TRAPPC9: variants seen among roughly 807,000 people sequenced by gnomAD.
The protein encoded by TRAPPC9 is trafficking protein particle complex subunit 9.
Under a neutral mutation model 124.0 loss-of-function variants are expected in TRAPPC9, and 83 were observed. The observed-to-expected ratio is 0.67, with a 90% CI of 0.56 to 0.80. The LOEUF (loss-of-function observed/expected upper bound fraction) is 0.80. TRAPPC9 is among the 30% of genes least tolerant of loss of function. TRAPPC9 has a pLI of 0.00. For missense variants in TRAPPC9, 1,302 were observed against 1,508.3 expected (o/e 0.86, Z 2.27); for synonymous variants, 638 against 617.5 (o/e 1.03, Z -0.49).
At chr8:139,822,601 G>C (rs73726666) in intron 21 of TRAPPC9, among the ~76,000 whole-genome samples, 2,708 of 151,816 alleles carry the variant, frequency 0.018, 82 homozygotes, top group African/African-American at 0.06. Flanking sequence ...AGTCTGACCT[G>C]AGAGCCAAGA....
chr8:139,828,883 G>C (rs1352022877), intron 21 of TRAPPC9, among the ~76,000 whole-genome samples: 1 of 152,170 alleles, frequency 6.6e-6, no homozygotes, highest in Non-Finnish European at 1.5e-5. Flanking sequence ...ATCCGAGGGA[G>C]GGCTCACCCA....
chr8:139,911,169 A>G (rs4736116), intron 19 of TRAPPC9: 99,119 of 151,780 alleles, frequency 0.65, 34,427 homozygotes, highest in African/African-American at 0.91. Flanking sequence ...TACTGTTCTC[A>G]GGGTAGTGAA....
Position 140,251,191 on chromosome 8 carries a change from C to T in TRAPPC9, c.2431+1586G>A, listed in dbSNP as rs904112824. ...TCCCTCACTGCTAGCCTGGAGTCCA[C>T]GTGCCAAGACATAGCCCTGGGGTAA... is the stretch of plus-strand genomic sequence containing the variant. On this transcript the variant is annotated intron_variant, in intron 16 of 22. Coordinates refer to ENST00000438773, the MANE Select transcript of TRAPPC9 (RefSeq NM_001160372.4). 1.3e-4 allele frequency among the ~76,000 whole-genome samples: 20 copies of T among 152,218 alleles called. 1 individual carries two copies. Among genetic ancestry groups the T allele is most frequent in the Admixed American group, 1.1e-3 (17 of 15,288 alleles).
intron 17 of TRAPPC9, among the ~76,000 whole-genome samples, chr8:140,135,308 C>T (rs1360274403): frequency 6.6e-6 from 1 of 152,188 alleles, no homozygotes; most frequent in East Asian, 1.9e-4. Context: ...ACTCCACTCC[C>T]AGATGTATAC....
intron 17 of TRAPPC9, among the ~76,000 whole-genome samples, chr8:140,121,286 C>T (rs2060981529): frequency 6.6e-6 from 1 of 152,230 alleles, no homozygotes; most frequent in Non-Finnish European, 1.5e-5. Context: ...GTGATCAGAA[C>T]ATCCATGGGC....
intron 4 of TRAPPC9, among the ~76,000 whole-genome samples, chr8:140,431,727 C>A (rs1262500986): frequency 6.6e-6 from 1 of 152,130 alleles, no homozygotes; most frequent in Non-Finnish European, 1.5e-5. Flanking sequence ...AGGTGGGGGG[C>A]ACCTGAGAAA....
intron 21 of TRAPPC9, among the ~76,000 whole-genome samples, chr8:139,766,646 T>C (rs1820602898): frequency 6.6e-6 from 1 of 152,170 alleles, no homozygotes; most frequent in African/African-American, 2.4e-5. Context: ...CTAACCGGCA[T>C]CACGTGGGGA....
chr8:139,753,247 T>C (rs1303467184), intron 21 of TRAPPC9, among the ~76,000 whole-genome samples: 39 of 100,582 alleles, frequency 3.9e-4, no homozygotes, highest in South Asian at 1.4e-3. Flanking sequence ...ATCCATCCAT[T>C]CACCCATCTA....
At chr8:139,979,708 C>CTG (rs1836754042) in intron 19 of TRAPPC9, among the ~76,000 whole-genome samples, 1 of 152,102 alleles carries the variant, frequency 6.6e-6, no homozygotes, top group African/African-American at 2.4e-5. Flanking sequence ...CCCACAGTGT[C>CTG]GAGGAGGACA....
chr8:139,835,468 C>T (rs2130860439), intron 21 of TRAPPC9, among the ~76,000 whole-genome samples: 1 of 152,358 alleles, frequency 6.6e-6, no homozygotes, highest in Non-Finnish European at 1.5e-5. Context: ...GCACGTTCGC[C>T]CGTGCTGTGC....
At chr8:139,918,979 G>C (rs971751876) in intron 19 of TRAPPC9, among the ~76,000 whole-genome samples, 7 of 152,200 alleles carry the variant, frequency 4.6e-5, no homozygotes, top group African/African-American at 1.7e-4. Flanking sequence ...TCCAGCAAAA[G>C]CAGGGAGGAG....
At chr8:140,395,656 T>C (rs1258785155) in intron 7 of TRAPPC9, among the ~76,000 whole-genome samples, 2 of 152,182 alleles carry the variant, frequency 1.3e-5, no homozygotes, top group Non-Finnish European at 1.5e-5. Flanking sequence ...GCGGCAACAT[T>C]TCAACATATT....
intron 21 of TRAPPC9, among the ~76,000 whole-genome samples, chr8:139,778,945 A>C (rs1480952000): frequency 6.6e-6 from 1 of 152,192 alleles, no homozygotes; most frequent in African/African-American, 2.4e-5. Flanking sequence ...AGCACAAGAC[A>C]CATAATGTAA....
intron 17 of TRAPPC9, among the ~76,000 whole-genome samples, chr8:140,091,610 C>T (rs1483397094): frequency 6.6e-6 from 1 of 152,090 alleles, no homozygotes; most frequent in East Asian, 1.9e-4. Flanking sequence ...ATTATAAAGT[C>T]AAGGATGGAG....
chr8:140,406,655 G>GTT (rs1404752938), intron 5 of TRAPPC9, among the ~76,000 whole-genome samples: 1 of 152,224 alleles, frequency 6.6e-6, no homozygotes, highest in African/African-American at 2.4e-5. Flanking sequence ...GAATAAACAG[G>GTT]TAAGTGGAGA....
At chr8:139,784,545 G>T (rs947421827) in intron 21 of TRAPPC9, among the ~76,000 whole-genome samples, 1 of 148,738 alleles carries the variant, frequency 6.7e-6, no homozygotes, top group Admixed American at 6.8e-5. Flanking sequence ...TTGCACTCCA[G>T]CCTGGGCAAC....
intron 14 of TRAPPC9, among the ~76,000 whole-genome samples, chr8:140,278,391 C>A (rs2065194106): frequency 6.6e-6 from 1 of 152,214 alleles, no homozygotes; most frequent in South Asian, 2.1e-4. Context: ...CAGGAGTGAG[C>A]CACCGCACCC....
chr8:140,275,894 C>A, intron 14 of TRAPPC9, 73 bp from the exon 15 acceptor site: 1 of 1,253,130 alleles, frequency 8.0e-7, no homozygotes, highest in Non-Finnish European at 1.1e-6. Context: ...ACTCACTTCC[C>A]AAAGAAGAAT....
chr8:140,365,925 C>G (rs950942255), intron 8 of TRAPPC9, among the ~76,000 whole-genome samples: 1 of 152,196 alleles, frequency 6.6e-6, no homozygotes, highest in Non-Finnish European at 1.5e-5. Context: ...CTCCTTCTAC[C>G]CTCCACCCTC....
Sources: allele counts gnomAD v4.1 joint callset (sites outside exome capture counted in the v4.1 genomes callset), GRCh38; gene constraint gnomAD v4.1.1; transcripts MANE v1.5; gene names NCBI Gene and HGNC (gene_info 2026-07-23, HGNC 2026-07-21).